The following AFF3 variants were observed in gnomAD, a reference collection of about 807,000 sequenced individuals.
The protein encoded by AFF3 is AF4/FMR2 family member 3.
Under a neutral mutation model 129.7 loss-of-function variants are expected in AFF3, and 32 were observed. That is an observed-to-expected ratio of 0.25 (90% CI 0.19 to 0.33). The LOEUF (loss-of-function observed/expected upper bound fraction) is 0.33. Among genes scored for constraint, AFF3 ranks in the 10% least tolerant of loss-of-function variants. AFF3 has a pLI of 1.00. For missense variants in AFF3, 1,373 were observed against 1,592.0 expected (o/e 0.86, Z 2.34); for synonymous variants, 644 against 635.4 (o/e 1.01, Z -0.20).
chr2:100,069,648 T>C (rs1688008044), intron 4 of AFF3, among the ~76,000 whole-genome samples: 1 of 152,190 alleles, frequency 6.6e-6, no homozygotes, highest in Admixed American at 6.5e-5. Context: ...TTCTTGCCTG[T>C]TTTTTAATCC....
At chr2:99,583,036 G>A (rs1261510057) in intron 16 of AFF3, 37 bp from the exon 17 acceptor site, 2 of 1,589,350 alleles carry the variant, frequency 1.3e-6, no homozygotes, top group Admixed American at 1.7e-5. Flanking sequence ...ATGTTACAGA[G>A]TCAGCACAGG....
intron 13 of AFF3, among the ~76,000 whole-genome samples, chr2:99,609,184 T>C (rs1680672458): frequency 6.6e-6 from 1 of 152,196 alleles, no homozygotes; most frequent in African/African-American, 2.4e-5. Flanking sequence ...CACCATTTTG[T>C]ATTTTTTTCT....
At chr2:100,111,344 A>G (rs1691505234) in intron 2 of AFF3, among the ~76,000 whole-genome samples, 1 of 152,270 alleles carries the variant, frequency 6.6e-6, no homozygotes, top group Admixed American at 6.5e-5. Context: ...TGTGATTTAC[A>G]AAAACCTGTG....
chr2:99,960,549 C>G (rs1677113550), intron 7 of AFF3, among the ~76,000 whole-genome samples: 1 of 152,194 alleles, frequency 6.6e-6, no homozygotes, highest in Admixed American at 6.5e-5. Flanking sequence ...AAATGCTGCT[C>G]TCCTTATGAC....
Position 99,694,990 on chromosome 2 carries a change from A to T in AFF3, c.1092-22401T>A, listed in dbSNP as rs979809560. Among the ~76,000 whole-genome samples the T allele has an allele frequency of 3.3e-5, 5 of 152,286 alleles. No individual in the cohort carries two copies. The South Asian group carries it at 1.0e-3, about 32-fold the overall frequency. ...AGTGCTGAGATTACAGGTGTGAGCCACTGTGCCTGGAGTTAATTTTAATAA... is the reference window on the plus strand; with the variant it reads ...AGTGCTGAGATTACAGGTGTGAGCCTCTGTGCCTGGAGTTAATTTTAATAA... On this transcript the variant is annotated intron_variant, in intron 11 of 24. Transcript: ENST00000672756.
intron 7 of AFF3, among the ~76,000 whole-genome samples, chr2:99,850,451 G>T (rs991588742): frequency 6.6e-6 from 1 of 152,180 alleles, no homozygotes; most frequent in East Asian, 1.9e-4. Context: ...ATGGGACAGG[G>T]TTCATACTCA....
chr2:99,643,334 A>G (rs1418939004), intron 13 of AFF3, among the ~76,000 whole-genome samples: 1 of 152,182 alleles, frequency 6.6e-6, no homozygotes, highest in African/African-American at 2.4e-5. Flanking sequence ...CTGGGATTAC[A>G]GGCATGAGCT....
intron 13 of AFF3, 48 bp downstream of exon 13, chr2:99,649,578 C>T (rs750466592): frequency 1.3e-6 from 2 of 1,577,432 alleles, no homozygotes; most frequent in East Asian, 4.5e-5. Flanking sequence ...AAATAGGGCT[C>T]AATGTTTCAT....
At chr2:100,056,892 C>T (rs1686832999) in intron 4 of AFF3, among the ~76,000 whole-genome samples, 1 of 152,172 alleles carries the variant, frequency 6.6e-6, no homozygotes, top group Non-Finnish European at 1.5e-5. Flanking sequence ...GGCCTCTTTA[C>T]TCTGAAAAGT....
chr2:100,044,396 C>A (rs1038932405), intron 4 of AFF3, among the ~76,000 whole-genome samples: 1 of 152,176 alleles, frequency 6.6e-6, no homozygotes, highest in African/African-American at 2.4e-5. Context: ...AATGAAAACA[C>A]TGAACGTATT....
intron 7 of AFF3, among the ~76,000 whole-genome samples, chr2:99,869,663 C>A (rs1691718112): frequency 6.6e-6 from 1 of 152,224 alleles, no homozygotes; most frequent in Non-Finnish European, 1.5e-5. Context: ...GGCAGCAGCA[C>A]AGCTTACCCT....
intron 7 of AFF3, among the ~76,000 whole-genome samples, chr2:99,849,419 G>A (rs994616065): frequency 2.0e-5 from 3 of 152,090 alleles, no homozygotes; most frequent in African/African-American, 4.8e-5. Context: ...GTTGTGTGGC[G>A]CAGTAGGCAG....
intron 21 of AFF3, among the ~76,000 whole-genome samples, chr2:99,559,202 A>T (rs1057009875): frequency 2.0e-5 from 3 of 152,260 alleles, no homozygotes; most frequent in Admixed American, 2.0e-4. Flanking sequence ...ATAATTTTAC[A>T]GCATTAGGTG....
intron 12 of AFF3, among the ~76,000 whole-genome samples, chr2:99,653,204 G>C (rs1287535400): frequency 6.6e-6 from 1 of 152,176 alleles, no homozygotes; most frequent in Non-Finnish European, 1.5e-5. Flanking sequence ...GAATATACAA[G>C]AAGTATTTTT....
At chr2:100,113,578 G>A (rs1691606715) in intron 2 of AFF3, among the ~76,000 whole-genome samples, 1 of 152,192 alleles carries the variant, frequency 6.6e-6, no homozygotes, top group South Asian at 2.1e-4. Flanking sequence ...GAATAGGGGG[G>A]AATGGAATAG....
chr2:99,576,937 CCCTGG>C (rs1386614029), intron 18 of AFF3, among the ~76,000 whole-genome samples: 1 of 152,168 alleles, frequency 6.6e-6, no homozygotes, highest in African/African-American at 2.4e-5. Flanking sequence ...CCACCTACCT[CCCTGG>C]CTGCTTGGCA....
Position 99,546,449 on chromosome 2 carries a change from C to T in AFF3, c.*5025G>A. 4.3e-6 allele frequency: 1 copy of T among 232,886 alleles called. No individual in the cohort carries two copies. Among genetic ancestry groups the T allele is most frequent in the Non-Finnish European group, 8.5e-6 (1 of 117,852 alleles). The allele number at this position is 232,886 out of a possible 1,614,324, so 14.4% of individuals were successfully genotyped here. A position where few individuals can be genotyped will look rare whatever the true frequency, so the allele number is the denominator to read the frequency against. On this transcript the variant is annotated 3_prime_UTR_variant, in exon 25 of 25. Coordinates refer to ENST00000672756, the MANE Select transcript of AFF3 (RefSeq NM_001386135.1). ...CCCATCTGCAAACAAACCCTTTCTG[C>T]ATTTTTCTCTCTAGACACGAGTGAG... is the stretch of plus-strand genomic sequence containing the variant.
At chr2:99,757,999 T>C (rs988846079) in intron 8 of AFF3, among the ~76,000 whole-genome samples, 1 of 152,186 alleles carries the variant, frequency 6.6e-6, no homozygotes, top group Non-Finnish European at 1.5e-5. Flanking sequence ...AGGCTGTGTA[T>C]TTTTTGTCTG....
intron 8 of AFF3, among the ~76,000 whole-genome samples, chr2:99,764,421 C>T (rs1250157300): frequency 2.6e-5 from 4 of 152,042 alleles, no homozygotes; most frequent in South Asian, 2.1e-4. Context: ...TTCTTGTTCT[C>T]GTTTTGCATT....
Sources: allele counts gnomAD v4.1 joint callset (sites outside exome capture counted in the v4.1 genomes callset), GRCh38; gene constraint gnomAD v4.1.1; transcripts MANE v1.5; gene names NCBI Gene and HGNC (gene_info 2026-07-23, HGNC 2026-07-21).